NEDD4L: variants seen among roughly 807,000 people sequenced by gnomAD.
NEDD4L encodes E3 ubiquitin-protein ligase NEDD4-like.
Under a neutral mutation model 148.9 loss-of-function variants are expected in NEDD4L, and 54 were observed. The ratio of observed to expected loss-of-function variants is 0.36; its 90% confidence interval spans 0.29 to 0.45. The LOEUF is 0.45. NEDD4L is among the 20% of genes least tolerant of loss of function. The probability of loss-of-function intolerance (pLI) is 1.00; values close to 1 mark genes in which losing one functional copy is unlikely to be tolerated. For missense variants in NEDD4L, 856 were observed against 1,233.8 expected, an observed-to-expected ratio of 0.69 and a Z score of 4.59; for synonymous variants, 433 against 440.7, an observed-to-expected ratio of 0.98 and a Z score of 0.22.
chr18:58,365,863 A>C (rs1601744343), intron 20 of NEDD4L, 136 bp from the exon 21 acceptor site: 5 of 616,082 alleles, frequency 8.1e-6, no homozygotes, highest in Admixed American at 6.0e-5. Context: ...AAAGGAGAGA[A>C]TCTCAGTTGG....
chr18:58,160,724 G>A (rs1220993965), intron 1 of NEDD4L, among the ~76,000 whole-genome samples: 1 of 152,212 alleles, frequency 6.6e-6, no homozygotes, highest in Non-Finnish European at 1.5e-5. Flanking sequence ...CTTCCTAAAA[G>A]AATGACGATG....
chr18:58,077,200 G>A (rs1419042546), intron 1 of NEDD4L, among the ~76,000 whole-genome samples: 1 of 100,336 alleles, frequency 1.0e-5, no homozygotes, highest in Non-Finnish European at 1.8e-5. Flanking sequence ...TTGAGACAGG[G>A]TCCCACTTTG....
chr18:58,276,194 GTTTT>G (rs1200942500), intron 5 of NEDD4L, among the ~76,000 whole-genome samples: 1 of 57,514 alleles, frequency 1.7e-5, no homozygotes. Flanking sequence ...TTTCTTTTTC[GTTTT>G]TTTTTTTTTT....
At chr18:58,178,174 A>C (rs1040207581) in intron 2 of NEDD4L, among the ~76,000 whole-genome samples, 1 of 152,186 alleles carries the variant, frequency 6.6e-6, no homozygotes, top group Non-Finnish European at 1.5e-5. Context: ...TGGGAGTGTC[A>C]GTGTTATTTT....
chr18:58,122,371 G>A (rs2030103596), intron 1 of NEDD4L, among the ~76,000 whole-genome samples: 1 of 152,122 alleles, frequency 6.6e-6, no homozygotes, highest in South Asian at 2.1e-4. Flanking sequence ...GTGGTGGCGG[G>A]CGCCTGTAAT....
chr18:58,142,236 G>A (rs867396403), intron 1 of NEDD4L, among the ~76,000 whole-genome samples: 2 of 150,398 alleles, frequency 1.3e-5, no homozygotes, highest in Non-Finnish European at 3.0e-5. Context: ...TTTTTGTAGA[G>A]ACGGGATTTC....
intron 2 of NEDD4L, among the ~76,000 whole-genome samples, chr18:58,238,363 G>C (rs1289171571): frequency 2.6e-5 from 4 of 152,176 alleles, no homozygotes; most frequent in Non-Finnish European, 5.9e-5. Context: ...ACAGGGTTCA[G>C]TACCTCATTG....
rs183482734 is a variant in NEDD4L at position 58,143,482 on chromosome 18, G to A, written c.49-22306G>A. ...TTCTCCCTTATCTGCCGAAATGCCC[G>A]CAGGCTCTGGGACAAGCTATAAAGC... On this transcript the variant is annotated intron_variant, in intron 1 of 30. Coordinates refer to ENST00000400345, the MANE Select transcript of NEDD4L (RefSeq NM_001144967.3). 9.2e-5 allele frequency among the ~76,000 whole-genome samples: 14 copies of A among 152,300 alleles called. No homozygotes were observed. The East Asian group carries it at 1.3e-3, about 15-fold the overall frequency.
intron 1 of NEDD4L, among the ~76,000 whole-genome samples, chr18:58,143,680 T>TG (rs2033796536): frequency 1.3e-5 from 2 of 152,158 alleles, no homozygotes; most frequent in Admixed American, 1.3e-4. Flanking sequence ...AGAGAGGCCG[T>TG]GGATGGGATG....
At chr18:58,351,452 A>G (rs2043870292) in intron 18 of NEDD4L, among the ~76,000 whole-genome samples, 1 of 152,272 alleles carries the variant, frequency 6.6e-6, no homozygotes. Flanking sequence ...ACTGCCTTCA[A>G]GGGTCCTATG....
chr18:58,218,004 AC>A (rs1319022239), intron 2 of NEDD4L, among the ~76,000 whole-genome samples: 1 of 152,250 alleles, frequency 6.6e-6, no homozygotes, highest in African/African-American at 2.4e-5. Flanking sequence ...GATCTCACTA[AC>A]AAATCCTGAG....
At chr18:58,104,615 C>A (rs2084956420) in intron 1 of NEDD4L, among the ~76,000 whole-genome samples, 1 of 152,118 alleles carries the variant, frequency 6.6e-6, no homozygotes, top group Non-Finnish European at 1.5e-5. Flanking sequence ...TTTTTTGTTT[C>A]CAGGGTTTTA....
intron 1 of NEDD4L, among the ~76,000 whole-genome samples, chr18:58,096,001 C>T (rs538061461): frequency 2.0e-5 from 3 of 151,914 alleles, no homozygotes; most frequent in South Asian, 4.2e-4. Context: ...CTTCTTCTTC[C>T]AGTGTGGCCC....
intron 23 of NEDD4L, among the ~76,000 whole-genome samples, chr18:58,371,098 A>G (rs1438912728): frequency 7.8e-6 from 1 of 128,650 alleles, no homozygotes; most frequent in Non-Finnish European, 1.6e-5. Context: ...GCTAGAGTGC[A>G]GTGGCGCGAT....
chr18:58,330,651 G>T (rs1177837894), intron 10 of NEDD4L, 87 bp from the exon 11 acceptor site: 3 of 1,025,910 alleles, frequency 2.9e-6, no homozygotes, highest in Non-Finnish European at 4.1e-6. Flanking sequence ...TATCACCGGG[G>T]CTATTGTTGT....
chr18:58,109,202 G>A (rs1260363279), intron 1 of NEDD4L, among the ~76,000 whole-genome samples: 3 of 152,208 alleles, frequency 2.0e-5, no homozygotes, highest in East Asian at 1.9e-4. Flanking sequence ...CCAGGCAGGC[G>A]GGAAGCCCAG....
At chr18:58,237,338 C>T (rs775684848) in intron 2 of NEDD4L, among the ~76,000 whole-genome samples, 1 of 152,108 alleles carries the variant, frequency 6.6e-6, no homozygotes, top group South Asian at 2.1e-4. Flanking sequence ...TTTGTTTCCC[C>T]GTTTCCTTAT....
At chr18:58,045,870 C>T (rs751191368) in intron 1 of NEDD4L, 1 of 152,288 alleles carries the variant, frequency 6.6e-6, no homozygotes, top group Non-Finnish European at 1.5e-5. Context: ...TTCTTCCCCT[C>T]CCTCCTTTCT....
chr18:58,387,539 T>A (rs769699347), intron 27 of NEDD4L, 41 bp downstream of exon 27: 15 of 1,473,792 alleles, frequency 1.0e-5, no homozygotes, highest in Middle Eastern at 1.8e-4. Flanking sequence ...GTGGATTTTT[T>A]AAAGTATCTC....
Sources: allele counts gnomAD v4.1 joint callset (sites outside exome capture counted in the v4.1 genomes callset), GRCh38; gene constraint gnomAD v4.1.1; transcripts MANE v1.5; gene names NCBI Gene and HGNC (gene_info 2026-07-23, HGNC 2026-07-21).